PALD1: variants seen among roughly 807,000 people sequenced by gnomAD.
The protein encoded by PALD1 is phosphatase domain containing paladin 1, also known as paladin.
In PALD1, 57 loss-of-function variants were observed where a neutral mutation model predicts 96.0. The ratio of observed to expected loss-of-function variants is 0.59; its 90% CI spans 0.48 to 0.74. PALD1 has a LOEUF of 0.74. Ranked by LOEUF, PALD1 falls within the 30% of genes least tolerant of loss-of-function variation. The probability of loss-of-function intolerance (pLI) is 0.00; values close to 1 mark genes in which losing one functional copy is unlikely to be tolerated. For synonymous variants in PALD1, 464 were observed against 473.6 expected (o/e 0.98, Z 0.26); for missense variants, 1,063 against 1,143.7 (o/e 0.93, Z 1.02).
At position 70,532,692 on chromosome 10, in the gene PALD1, G is replaced by T; in HGVS notation, c.705G>T (p.Glu235Asp). Residue 235 changes from glutamate (E) to aspartate (D), a missense_variant, in exon 6 of 20, where the codon GAG (glutamate) becomes GAT (aspartate). Coordinates refer to ENST00000263563, the MANE Select transcript of PALD1 (RefSeq NM_014431.3). The stretch of plus-strand genomic sequence containing the variant: ...ATAACACCGAGGACCTGTGGGGGGA[G>T]CCCCATGCTGTGGCCATCCATGGTG... ...VYHNTEDLWG[E>D]PHAVAIHGED... 6 of 1,614,134 alleles carry T rather than the reference G, an allele frequency of 3.7e-6. No homozygotes were observed. Among genetic ancestry groups the T allele is most frequent in the Non-Finnish European group, 5.1e-6 (6 of 1,179,966 alleles).
At chr10:70,554,561 G>A (rs1053899099) in intron 18 of PALD1, among the ~76,000 whole-genome samples, 3 of 152,156 alleles carry the variant, frequency 2.0e-5, no homozygotes, top group South Asian at 2.1e-4. Context: ...CAACATGGCC[G>A]CCAGCCCAGG....
intron 18 of PALD1, among the ~76,000 whole-genome samples, chr10:70,553,259 T>C (rs10823566): frequency 0.47 from 71,260 of 152,026 alleles, 17,369 homozygotes; most frequent in East Asian, 0.84. Flanking sequence ...AGGTTCCATG[T>C]TTGCTGTTTC....
At chr10:70,497,280 C>T (rs1846210137) in intron 1 of PALD1, among the ~76,000 whole-genome samples, 1 of 152,258 alleles carries the variant, frequency 6.6e-6, no homozygotes, top group Non-Finnish European at 1.5e-5. Flanking sequence ...CTGAGCAGAG[C>T]CCTGCACACA....
intron 1 of PALD1, among the ~76,000 whole-genome samples, chr10:70,507,545 C>T (rs1846415336): frequency 6.6e-6 from 1 of 152,196 alleles, no homozygotes; most frequent in South Asian, 2.1e-4. Context: ...CCTTAGCCTC[C>T]CAAGTAGCTG....
At chr10:70,518,712 G>T (rs1846664198) in intron 1 of PALD1, among the ~76,000 whole-genome samples, 2 of 152,132 alleles carry the variant, frequency 1.3e-5, no homozygotes, top group Admixed American at 1.3e-4. Context: ...TACGTCAAAC[G>T]CCTTGCAGTC....
At position 70,532,608 on chromosome 10, in the gene PALD1, C is replaced by T. The variant is rs747476216; in HGVS notation, c.634-13C>T. The stretch of plus-strand genomic sequence containing the variant: ...TCAGGCCATGGCCCTCTGACCCCCA[C>T]ACCTCCCTCTAGATCCACGACTTTG... On this transcript the variant is annotated splice_polypyrimidine_tract_variant and intron_variant, in intron 5 of 19. Coordinates refer to ENST00000263563, the MANE Select transcript of PALD1 (RefSeq NM_014431.3). The T allele has an allele frequency of 6.2e-7, 1 of 1,612,546 alleles. No individual in the cohort carries two copies. The highest frequency in any genetic ancestry group is 1.1e-5 in the South Asian group (1 of 90,772).
chr10:70,501,533 C>A (rs986070455), intron 1 of PALD1, among the ~76,000 whole-genome samples: 3 of 152,170 alleles, frequency 2.0e-5, no homozygotes, highest in Admixed American at 2.0e-4. Context: ...AGGTGTTGAG[C>A]GTTCCAGCAG....
At chr10:70,552,045 C>T (rs1317907996) in intron 18 of PALD1, among the ~76,000 whole-genome samples, 1 of 152,220 alleles carries the variant, frequency 6.6e-6, no homozygotes, top group East Asian at 1.9e-4. Flanking sequence ...CTCACCTAGG[C>T]TGTGTTTATG....
the PALD1 span, among the ~76,000 whole-genome samples, chr10:70,462,333 G>A: frequency 6.6e-6 from 1 of 152,256 alleles, no homozygotes; most frequent in South Asian, 2.1e-4. Context: ...GTGAGGCTTA[G>A]GCGAGTTTCT....
chr10:70,470,501 T>C, the PALD1 span, among the ~76,000 whole-genome samples: 1 of 35,364 alleles, frequency 2.8e-5, no homozygotes, highest in South Asian at 1.1e-3. Flanking sequence ...ACTGTGTGTA[T>C]ACAAGCCTAT....
At chr10:70,490,256 CTG>C (rs2132269385) in intron 1 of PALD1, among the ~76,000 whole-genome samples, 1 of 152,226 alleles carries the variant, frequency 6.6e-6, no homozygotes, top group South Asian at 2.1e-4. Flanking sequence ...AGGTCTCACT[CTG>C]TTGCTCAGGC....
intron 18 of PALD1, among the ~76,000 whole-genome samples, chr10:70,557,935 T>TTTTTTTTA (rs1472625537): frequency 7.2e-6 from 1 of 138,138 alleles, no homozygotes; most frequent in East Asian, 2.0e-4. Flanking sequence ...TCTTCCTTTT[T>TTTTTTTTA]TTTTTTTTTT....
At chr10:70,474,157 TC>T (rs1396617334), upstream of PALD1, among the ~76,000 whole-genome samples, 1 of 152,114 alleles carries the variant, frequency 6.6e-6, no homozygotes, top group African/African-American at 2.4e-5. Context: ...CAAGATCTGG[TC>T]CCTGCTCTTA....
rs138086682 is a variant in PALD1 at position 70,539,874 on chromosome 10, C to T, written c.1908+112C>T. 898 of 901,402 alleles carry T rather than the reference C, an allele frequency of 1.0e-3. 1 individual carries two copies. The highest frequency in any genetic ancestry group is 2.7e-3 in the Middle Eastern group (9 of 3,286). The allele number at this position is 901,402 out of a possible 1,614,324, so 55.8% of individuals were successfully genotyped here. A position where few individuals can be genotyped will look rare whatever the true frequency, so the allele number is the denominator to read the frequency against. ...ACGACCCCAGCTTCTCTACGGGGCC[C>T]GGGAATGGTCTCACGAGGTTTTCCG... On this transcript the variant is annotated intron_variant, in intron 15 of 19. Coordinates refer to ENST00000263563, the MANE Select transcript of PALD1 (RefSeq NM_014431.3). The surrounding 1 kb of genome is among the most constrained non-coding windows in gnomAD (Gnocchi z 4.5).
intron 7 of PALD1, among the ~76,000 whole-genome samples, chr10:70,533,569 T>C (rs892835458): frequency 6.6e-6 from 1 of 152,220 alleles, no homozygotes; most frequent in Non-Finnish European, 1.5e-5. Flanking sequence ...TAACGACTCT[T>C]GCCCTATAGA....
chr10:70,529,346 T>A lies in PALD1; in HGVS notation c.288+15T>A. 1 of 1,382,522 alleles carries A rather than the reference T, an allele frequency of 7.2e-7. No individual in the cohort carries two copies. Among genetic ancestry groups the A allele is most frequent in the Non-Finnish European group, 1.0e-6 (1 of 977,974 alleles). The allele number at this position is 1,382,522 out of a possible 1,614,324, so 85.6% of individuals were successfully genotyped here. A position where few individuals can be genotyped will look rare whatever the true frequency, so the allele number is the denominator to read the frequency against. On this transcript the variant is annotated intron_variant, in intron 3 of 19. Coordinates refer to ENST00000263563, the MANE Select transcript of PALD1 (RefSeq NM_014431.3). ...ACCTGGTGCAAGTGAGCTCAGGCCT[T>A]ACCCTGCCAGCCCGCCTGCTGCCTC...
chr10:70,561,300 CTT>C (rs1847733816), intron 18 of PALD1, among the ~76,000 whole-genome samples: 2 of 152,366 alleles, frequency 1.3e-5, no homozygotes, highest in East Asian at 3.9e-4. Flanking sequence ...CCTCTGAGCT[CTT>C]TAATTGAAAG....
intron 1 of PALD1, among the ~76,000 whole-genome samples, chr10:70,503,464 C>T (rs1018514337): frequency 1.1e-4 from 17 of 151,802 alleles, no homozygotes; most frequent in Non-Finnish European, 2.2e-4. Context: ...GGCAAAACCC[C>T]GTCTCTACTA....
intron 18 of PALD1, among the ~76,000 whole-genome samples, chr10:70,553,453 T>G (rs972705599): frequency 6.6e-6 from 1 of 152,134 alleles, no homozygotes; most frequent in Non-Finnish European, 1.5e-5. Flanking sequence ...TAGAGGCTCA[T>G]GCGGAGGGAC....
Sources: allele counts gnomAD v4.1 joint callset (sites outside exome capture counted in the v4.1 genomes callset), GRCh38; gene constraint gnomAD v4.1.1; non-coding constraint Gnocchi (gnomAD v3.1); transcripts MANE v1.5; gene names NCBI Gene and HGNC (gene_info 2026-07-23, HGNC 2026-07-21).